GDF1: variants seen among roughly 807,000 people sequenced by gnomAD.
GDF1 encodes growth differentiation factor 1.
Under a neutral mutation model 7.4 loss-of-function variants are expected in GDF1, and 8 were observed. The ratio of observed to expected loss-of-function variants is 1.09; its 90% CI spans 0.64 to 1.96. The LOEUF (loss-of-function observed/expected upper bound fraction) is 1.96, where lower values mean the gene tolerates loss of function less well. GDF1 is among the 30% of genes most tolerant of loss of function. The pLI is 0.00. For synonymous variants in GDF1, 311 were observed against 276.7 expected (o/e 1.12, Z -1.23); for missense variants, 574 against 551.5 (o/e 1.04, Z -0.41).
chr19:18,872,027 T>TC (rs889640370), intron 6 of GDF1, among the ~76,000 whole-genome samples: 1 of 152,198 alleles, frequency 6.6e-6, no homozygotes, highest in Non-Finnish European at 1.5e-5. Flanking sequence ...TTCCAGAGGG[T>TC]CCCCGTGCTT....
At chr19:18,872,192 A>C (rs2055982287) in intron 6 of GDF1, among the ~76,000 whole-genome samples, 1 of 152,190 alleles carries the variant, frequency 6.6e-6, no homozygotes, top group African/African-American at 2.4e-5. Context: ...GGGGCTTTTT[A>C]TCAGAGCTTT....
In GDF1 at chr19:18,878,309, C is replaced by T. The variant is rs1408808776; in HGVS notation, c.-313+621G>A. 1.0e-6 allele frequency: 1 copy of T among 986,020 alleles called. No individual in the cohort carries two copies. Among genetic ancestry groups the T allele is most frequent in the South Asian group, 4.7e-5 (1 of 21,294 alleles). 61.1% of individuals were successfully genotyped at this position (986,020 alleles called of 1,614,324 possible). ...CTGGCCCAGACACCCCCTGCCTGCC[C>T]CAGGCCTGGGGCTTCGGACACCATC... is the stretch of plus-strand genomic sequence containing the variant. On this transcript the variant is annotated intron_variant, in intron 6 of 7. Transcript: ENST00000247005. This position sits in a 1 kb window ranked among gnomAD's most constrained non-coding sequence, Gnocchi z 4.6.
At chr19:18,881,480 G>A (rs1031268303) in intron 3 of GDF1, among the ~76,000 whole-genome samples, 5 of 151,114 alleles carry the variant, frequency 3.3e-5, no homozygotes, top group South Asian at 4.2e-4. Flanking sequence ...TTGGCCTCCC[G>A]AAGTGCTGGG....
chr19:18,868,548 C>CAGA lies in GDF1; in HGVS notation c.*46_*48dup, dbSNP rs1277342722. The CAGA allele has an allele frequency of 3.5e-6, 5 of 1,425,036 alleles. No individual in the cohort carries two copies. The highest frequency in any genetic ancestry group is 4.8e-6 in the Non-Finnish European group (5 of 1,036,100). The allele number at this position is 1,425,036 out of a possible 1,614,324, so 88.3% of individuals were successfully genotyped here. A position where few individuals can be genotyped will look rare whatever the true frequency, so the allele number is the denominator to read the frequency against. ...AAGGAGTCCAAGGAGACCAGCGGAGCAGACCACGCGGCATTTATTGTTGGG... is the reference window on the plus strand; with the variant it reads ...AAGGAGTCCAAGGAGACCAGCGGAGCAGAAGACCACGCGGCATTTATTGTTGGG... On this transcript the variant is annotated 3_prime_UTR_variant, in exon 8 of 8. Transcript: ENST00000247005.
At position 18,878,327 on chromosome 19, in the gene GDF1, A is replaced by T; in HGVS notation, c.-313+603T>A. On this transcript the variant is annotated intron_variant, in intron 6 of 7. Coordinates refer to ENST00000247005, the MANE Select transcript of GDF1 (RefSeq NM_001492.6). This position sits in a 1 kb window ranked among gnomAD's most constrained non-coding sequence, Gnocchi z 4.6. ...GCCTGCCCCAGGCCTGGGGCTTCGG[A>T]CACCATCTGGCTGTCACCCAGGGCT... The T allele has an allele frequency of 1.0e-6, 1 of 984,102 alleles. No homozygotes were observed. Among genetic ancestry groups the T allele is most frequent in the Non-Finnish European group, 1.2e-6 (1 of 829,848 alleles). The allele number at this position is 984,102 out of a possible 1,614,324, so 61.0% of individuals were successfully genotyped here.
chr19:18,893,610 G>C, intron 1 of GDF1, 35 bp from the exon 2 acceptor site: 1 of 1,582,188 alleles, frequency 6.3e-7, no homozygotes, highest in Non-Finnish European at 8.6e-7. Context: ...AGCCATTGGT[G>C]CTGGGGGCCA....
rs968287517 is a variant in GDF1 at position 18,870,137 on chromosome 19, C to G, written c.171G>C (p.Pro57=). The part of the protein sequence containing the change: ...DEPQGAPRLR[P]VPPVMWRLFR... ...ACAGGCGCCACATGACCGGGGGAAC[C>G]GGCCGGAGCCTGGGGGCACCCTGGG... The change falls in exon 7 of 8, where the codon CCG becomes CCC. Residue 57 remains proline, a synonymous_variant. Transcript: ENST00000247005. The surrounding 1 kb of genome is among the most constrained non-coding windows in gnomAD (Gnocchi z 5.1). 1.3e-6 allele frequency: 2 copies of G among 1,564,512 alleles called. No individual in the cohort carries two copies. The highest frequency in any genetic ancestry group is 3.6e-5 in the Admixed American group (2 of 54,848).
rs2056121164 is a variant in GDF1, at chr19:18,878,974, C to T, written c.-357G>A. 6.2e-7 allele frequency: 1 copy of T among 1,613,846 alleles called. No homozygotes were observed. The highest frequency in any genetic ancestry group is 8.5e-7 in the Non-Finnish European group (1 of 1,179,858). On this transcript the variant is annotated 5_prime_UTR_variant, in exon 6 of 8. Coordinates refer to ENST00000247005, the MANE Select transcript of GDF1 (RefSeq NM_001492.6). This position sits in a 1 kb window ranked among gnomAD's most constrained non-coding sequence, Gnocchi z 4.6. ...GGCTCTGGGCCTCGGCTGTGTCATA[C>T]TCCCGCAGGTCCTTCAGCTCGTGCA...
Position 18,895,140 on chromosome 19 carries a change from C to G in GDF1, c.-1074+684G>C, listed in dbSNP as rs536167088. On this transcript the variant is annotated intron_variant, in intron 1 of 7. Transcript: ENST00000247005. The surrounding 1 kb of genome is among the most constrained non-coding windows in gnomAD (Gnocchi z 6.4). The stretch of plus-strand genomic sequence containing the variant: ...CCGGGCCATGTCACCTCCAAGGGAG[C>G]GACCACTGGCGTGGCCAGAGCACCC... Among the ~76,000 whole-genome samples, 1 of 152,378 alleles carries G rather than the reference C, an allele frequency of 6.6e-6. No individual in the cohort carries two copies. Among genetic ancestry groups the G allele is most frequent in the South Asian group, 2.1e-4 (1 of 4,834 alleles).
chr19:18,878,050 C>T lies in GDF1; in HGVS notation c.-313+880G>A, dbSNP rs1601159973. On this transcript the variant is annotated intron_variant, in intron 6 of 7. Coordinates refer to ENST00000247005, the MANE Select transcript of GDF1 (RefSeq NM_001492.6). The surrounding 1 kb of genome is among the most constrained non-coding windows in gnomAD (Gnocchi z 4.6). ...CCGGATGTGTTAAATGTCTGCATCT[C>T]GCACCTCCCGTTCCAAAAAACGTCA... is the stretch of plus-strand genomic sequence containing the variant. 1.0e-6 allele frequency: 1 copy of T among 985,514 alleles called. No individual in the cohort carries two copies. The highest frequency in any genetic ancestry group is 1.2e-6 in the Non-Finnish European group (1 of 829,978). 61.0% of individuals were successfully genotyped at this position (985,514 alleles called of 1,614,324 possible).
At chr19:18,883,956 A>AC in intron 3 of GDF1, 131 bp downstream of exon 3, 1 of 968,382 alleles carries the variant, frequency 1.0e-6, no homozygotes, top group Non-Finnish European at 1.5e-6. Flanking sequence ...GAGCACTCTG[A>AC]CCTTGGAACC....
Position 18,896,047 on chromosome 19 carries a change from C to T in GDF1, c.-1297G>A. The T allele has an allele frequency of 1.0e-6, 1 of 987,374 alleles. No individual in the cohort carries two copies. The highest frequency in any genetic ancestry group is 1.2e-6 in the Non-Finnish European group (1 of 832,674). 61.2% of individuals were successfully genotyped at this position (987,374 alleles called of 1,614,324 possible). ...CGGCATGGGCTCGGGCCCCGTCGGCCCCGCCGCGGGCCCCGCCGCCGCCAT... is the reference window on the plus strand; with the variant it reads ...CGGCATGGGCTCGGGCCCCGTCGGCTCCGCCGCGGGCCCCGCCGCCGCCAT... On this transcript the variant is annotated 5_prime_UTR_variant, in exon 1 of 8. Coordinates refer to ENST00000247005, the MANE Select transcript of GDF1 (RefSeq NM_001492.6). This position sits in a 1 kb window ranked among gnomAD's most constrained non-coding sequence, Gnocchi z 5.9.
intron 2 of GDF1, among the ~76,000 whole-genome samples, chr19:18,884,880 A>G (rs189217501): frequency 2.0e-5 from 3 of 150,272 alleles, no homozygotes; most frequent in Non-Finnish European, 4.4e-5. Flanking sequence ...TGCCCGGCTA[A>G]TTTTTTTGTA....
rs2055951287 is a variant in GDF1 at position 18,870,623 on chromosome 19, G to A, written c.-312-4C>T. The A allele has an allele frequency of 3.5e-6, 2 of 575,516 alleles. No homozygotes were observed. The highest frequency in any genetic ancestry group is 2.0e-5 in the African/African-American group (1 of 50,698). 35.7% of individuals were successfully genotyped at this position (575,516 alleles called of 1,614,324 possible). A position where few individuals can be genotyped will look rare whatever the true frequency, so the allele number is the denominator to read the frequency against. ...CAGGCCGTTCCTCAGTGGCTTCCTG[G>A]GGGTCAGAACCGGCGCAGGTTAGCC... On this transcript the variant is annotated splice_region_variant and splice_polypyrimidine_tract_variant and intron_variant, in intron 6 of 7. Transcript: ENST00000247005. The surrounding 1 kb of genome is among the most constrained non-coding windows in gnomAD (Gnocchi z 5.1).
In GDF1 at chr19:18,869,281, G is replaced by A. The variant is rs2055915422; in HGVS notation, c.435C>T (p.Ala145=). ...AVEPAERPSR[A]RLELRFAAAA... ...CCGCCGCGAAACGCAGCTCCAGGCG[G>A]GCCCGGCTCGGGCGCTCAGCGGGTT... The change falls in exon 8 of 8, where the codon GCC becomes GCT. Residue 145 remains alanine, a synonymous_variant. Transcript: ENST00000247005. 6.7e-7 allele frequency: 1 copy of A among 1,502,254 alleles called. No homozygotes were observed. The highest frequency in any genetic ancestry group is 8.8e-7 in the Non-Finnish European group (1 of 1,133,556). 93.1% of individuals were successfully genotyped at this position (1,502,254 alleles called of 1,614,324 possible). A position where few individuals can be genotyped will look rare whatever the true frequency, so the allele number is the denominator to read the frequency against.
At chr19:18,894,523 C>A (rs1476662161) in intron 1 of GDF1, among the ~76,000 whole-genome samples, 1 of 152,108 alleles carries the variant, frequency 6.6e-6, no homozygotes, top group Non-Finnish European at 1.5e-5. Context: ...TGGGGAGGGC[C>A]CCCGGGGCTC....
Position 18,895,972 on chromosome 19 carries a change from G to A in GDF1, c.-1222C>T. The stretch of plus-strand genomic sequence containing the variant: ...CCAGCCGCAGTCCGTGCAGCCCCGC[G>A]CCGCCGCCAGCGCGCTGCCCCAGCC... On this transcript the variant is annotated 5_prime_UTR_variant, in exon 1 of 8. Coordinates refer to ENST00000247005, the MANE Select transcript of GDF1 (RefSeq NM_001492.6). The surrounding 1 kb of genome is among the most constrained non-coding windows in gnomAD (Gnocchi z 6.4). 9.5e-7 allele frequency: 1 copy of A among 1,057,902 alleles called. No individual in the cohort carries two copies. The highest frequency in any genetic ancestry group is 1.1e-6 in the Non-Finnish European group (1 of 876,710). The allele number at this position is 1,057,902 out of a possible 1,614,324, so 65.5% of individuals were successfully genotyped here. A position where few individuals can be genotyped will look rare whatever the true frequency, so the allele number is the denominator to read the frequency against.
chr19:18,868,703 A>G lies in GDF1; in HGVS notation c.1013T>C (p.Val338Ala). The G allele has an allele frequency of 6.4e-7, 1 of 1,554,764 alleles. No individual in the cohort carries two copies. Among genetic ancestry groups the G allele is most frequent in the South Asian group, 1.2e-5 (1 of 84,714 alleles). ...GGAGATGGGCGACAGGCGCGCGGGC[A>G]CGCAGCAGGGCAGGTCGGCGGCTCC... ...APGAADLPCCVPARLSPISVL... is the reference protein window; with the variant it reads ...APGAADLPCCAPARLSPISVL... The change falls in exon 8 of 8, where the codon GTG becomes GCG. Residue 338 changes from valine to alanine, a missense_variant. Physicochemically the swap from Val to Ala is moderately conservative, Grantham distance 64 (BLOSUM62 0). Transcript: ENST00000247005.
rs911875151 is a variant in GDF1, at chr19:18,878,812, G to T, written c.-313+118C>A. The T allele has an allele frequency of 8.7e-6, 13 of 1,492,818 alleles. No individual in the cohort carries two copies. The highest frequency in any genetic ancestry group is 6.9e-5 in the African/African-American group (5 of 72,106). The allele number at this position is 1,492,818 out of a possible 1,614,324, so 92.5% of individuals were successfully genotyped here. A position where few individuals can be genotyped will look rare whatever the true frequency, so the allele number is the denominator to read the frequency against. ...CAGTCTCTGTTTTGGAGTAGGCTTG[G>T]GGGGCAGCATCCGCGTCGGCCTCAT... On this transcript the variant is annotated intron_variant, in intron 6 of 7. Coordinates refer to ENST00000247005, the MANE Select transcript of GDF1 (RefSeq NM_001492.6). The surrounding 1 kb of genome is among the most constrained non-coding windows in gnomAD (Gnocchi z 4.6).
Sources: gnomAD v4.1 joint callset for allele counts (sites outside exome capture counted in the v4.1 genomes callset) on GRCh38, gnomAD v4.1.1 for gene constraint, Gnocchi (gnomAD v3.1) non-coding constraint, MANE v1.5 for transcripts, NCBI Gene and HGNC (gene_info 2026-07-23, HGNC 2026-07-21) for gene names.